The following POLD4 variants were observed in gnomAD, a reference collection of about 807,000 sequenced individuals.
POLD4 encodes DNA polymerase delta subunit 4.
Under a neutral mutation model 16.5 loss-of-function variants are expected in POLD4, and 9 were observed. The observed-to-expected ratio is 0.55, with a 90% confidence interval of 0.33 to 0.95. The LOEUF (loss-of-function observed/expected upper bound fraction) is 0.95. POLD4 is among the 40% of genes least tolerant of loss of function. POLD4 has a pLI of 0.03. For synonymous variants in POLD4, 62 were observed against 57.6 expected, an observed-to-expected ratio of 1.08 and a Z score of -0.35; for missense variants, 129 against 139.7, an observed-to-expected ratio of 0.92 and a Z score of 0.39.
Position 67,352,781 on chromosome 11 carries a change from C to CA in POLD4, c.208dup (p.Trp70LeufsTer93). On this transcript the variant is annotated frameshift_variant, in exon 3 of 4. Transcript: ENST00000312419. LOFTEE classifies it high-confidence loss of function. ...CAAGCCCATCTGCTTGGCCCGACAC[C>CA]AGCGCTGCAGCCGTGTGATCCCTGC... is the stretch of plus-strand genomic sequence containing the variant. 6.2e-7 allele frequency: 1 copy of CA among 1,609,860 alleles called. No homozygotes were observed. The highest frequency in any genetic ancestry group is 8.5e-7 in the Non-Finnish European group (1 of 1,177,708).
chr11:67,352,997 G>GC lies in POLD4; in HGVS notation c.177dup (p.Pro60AlafsTer103), dbSNP rs750239946. On this transcript the variant is annotated frameshift_variant, in exon 2 of 4. Transcript: ENST00000312419. LOFTEE classifies it high-confidence loss of function. ...CTGGGTGGGTTCTCACCGGTGCAGG[G>GC]CCCGTACTGCCAGGCCAGGTCAAAC... 3.8e-6 allele frequency: 6 copies of GC among 1,575,900 alleles called. No individual in the cohort carries two copies. The highest frequency in any genetic ancestry group is 5.2e-6 in the Non-Finnish European group (6 of 1,160,408).
At chr11:67,353,166 C>A in intron 1 of POLD4, 89 bp from the exon 2 acceptor site, 1 of 1,494,754 alleles carries the variant, frequency 6.7e-7, no homozygotes, top group Non-Finnish European at 9.1e-7. Flanking sequence ...TTTGCCTCTG[C>A]CACCCCGCAG....
chr11:67,352,232 G>A (rs912080730), intron 3 of POLD4: 31 of 522,522 alleles, frequency 5.9e-5, no homozygotes, highest in South Asian at 1.1e-4. Flanking sequence ...ATTATTGGCC[G>A]GGTGTGGTGG....
chr11:67,351,424 C>G lies in POLD4; in HGVS notation c.*571G>C, dbSNP rs143787057. 1.5e-3 allele frequency: 234 copies of G among 151,294 alleles called. 1 individual carries two copies. The highest frequency in any genetic ancestry group is 7.1e-3 in the Admixed American group (108 of 15,164). The allele number at this position is 151,294 out of a possible 1,614,324, so 9.4% of individuals were successfully genotyped here. A position where few individuals can be genotyped will look rare whatever the true frequency, so the allele number is the denominator to read the frequency against. Reference sequence around the variant, plus strand: ...ACTTGATCCGTCTCAAGATGACTGTCTCCTCCCTCTTCGGCCTAGGACTTT... The same window carrying G: ...ACTTGATCCGTCTCAAGATGACTGTGTCCTCCCTCTTCGGCCTAGGACTTT... On this transcript the variant is annotated 3_prime_UTR_variant, in exon 4 of 4. Coordinates refer to ENST00000312419, the MANE Select transcript of POLD4 (RefSeq NM_021173.5). This position sits in a 1 kb window ranked among gnomAD's most constrained non-coding sequence, Gnocchi z 4.8.
At chr11:67,352,960 G>A in intron 2 of POLD4, 28 bp downstream of exon 2, 2 of 1,519,218 alleles carry the variant, frequency 1.3e-6, no homozygotes, top group Non-Finnish European at 1.8e-6. Flanking sequence ...TGGGAGAGGC[G>A]CCTCCGTGGG....
chr11:67,352,053 CAGAG>C (rs747485648), intron 3 of POLD4, 34 bp from the exon 4 acceptor site: 162 of 1,263,490 alleles, frequency 1.3e-4, no homozygotes, highest in East Asian at 2.0e-4. Flanking sequence ...AGGGATACCC[CAGAG>C]AGAGAGAGAG....
At chr11:67,353,555 C>A (rs1444606871), upstream of POLD4, 1 of 635,870 alleles carries the variant, frequency 1.6e-6, no homozygotes, top group Non-Finnish European at 2.7e-6. Context: ...AGGAAGTCGC[C>A]GGGGTCCAGG....
At chr11:67,352,050 C>T (rs1861879566) in intron 3 of POLD4, 31 bp from the exon 4 acceptor site, 2 of 1,259,050 alleles carry the variant, frequency 1.6e-6, no homozygotes, top group Non-Finnish European at 2.3e-6. Flanking sequence ...GGGAGGGATA[C>T]CCCAGAGAGA....
At chr11:67,353,165 G>T in intron 1 of POLD4, 88 bp from the exon 2 acceptor site, 1 of 1,494,696 alleles carries the variant, frequency 6.7e-7, no homozygotes, top group Non-Finnish European at 9.1e-7. Flanking sequence ...CTTTGCCTCT[G>T]CCACCCCGCA....
chr11:67,352,581 G>A, intron 3 of POLD4, 110 bp downstream of exon 3: 1 of 745,168 alleles, frequency 1.3e-6, no homozygotes, highest in African/African-American at 1.8e-5. Flanking sequence ...TGCCTGTTCA[G>A]CAAGGCCTTC....
chr11:67,352,718 T>C lies in POLD4; in HGVS notation c.272A>G (p.His91Arg). 25 of 1,612,102 alleles carry C rather than the reference T, an allele frequency of 1.6e-5. No homozygotes were observed. The highest frequency in any genetic ancestry group is 2.1e-5 in the Non-Finnish European group (25 of 1,179,698). ...GCACTGGAAGCGGGGGTCTCCGGGG[T>C]GGGTCTTCAGCACCTGCCACACCTC... is the stretch of plus-strand genomic sequence containing the variant. ...PPEVWQVLKTHPGDPRFQCSL... is the reference protein window; with the variant it reads ...PPEVWQVLKTRPGDPRFQCSL... The change falls in exon 3 of 4, where the codon CAC (histidine) becomes CGC (arginine). Residue 91 changes from histidine (H) to arginine (R), a missense_variant. By Grantham distance (29) the His-to-Arg change is conservative. Coordinates refer to ENST00000312419, the MANE Select transcript of POLD4 (RefSeq NM_021173.5).
chr11:67,351,926 C>T lies in POLD4; in HGVS notation c.*69G>A. The stretch of plus-strand genomic sequence containing the variant: ...CTGAGCTGAGCAGGAGCAATGGGCT[C>T]TCGCTTCTGTCCTGAGGTTCTTGGG... On this transcript the variant is annotated 3_prime_UTR_variant, in exon 4 of 4. Transcript: ENST00000312419. The surrounding 1 kb of genome is among the most constrained non-coding windows in gnomAD (Gnocchi z 4.8). The T allele has an allele frequency of 6.6e-7, 1 of 1,516,094 alleles. No homozygotes were observed. Among genetic ancestry groups the T allele is most frequent in the African/African-American group, 1.4e-5 (1 of 73,186 alleles). 93.9% of individuals were successfully genotyped at this position (1,516,094 alleles called of 1,614,324 possible).
chr11:67,352,707 G>C lies in POLD4; in HGVS notation c.283C>G (p.Pro95Ala). 4 of 1,612,684 alleles carry C rather than the reference G, an allele frequency of 2.5e-6. No homozygotes were observed. The highest frequency in any genetic ancestry group is 3.4e-6 in the Non-Finnish European group (4 of 1,179,812). Residue 95 changes from proline to alanine, a missense_variant, in exon 3 of 4, where the codon CCC becomes GCC. Coordinates refer to ENST00000312419, the MANE Select transcript of POLD4 (RefSeq NM_021173.5). ...GTCTCTGACCTGCACTGGAAGCGGGGGTCTCCGGGGTGGGTCTTCAGCACC... is the reference window on the plus strand; with the variant it reads ...GTCTCTGACCTGCACTGGAAGCGGGCGTCTCCGGGGTGGGTCTTCAGCACC... ...WQVLKTHPGD[P>A]RFQCSLWHLY...
In POLD4 at chr11:67,352,017, A is replaced by C; in HGVS notation, c.302T>G (p.Leu101Arg). ...GCCTCATAGGGGATAGAGATGCCAG[A>C]GACTGTGGAAGATGGGGTGGGAGGG... is the stretch of plus-strand genomic sequence containing the variant. ...HPGDPRFQCS[L>R]WHLYPL The change falls in exon 4 of 4, where the codon CTC (leucine) becomes CGC (arginine). Residue 101 changes from leucine to arginine, a missense_variant and splice_region_variant. By Grantham distance (102) the Leu-to-Arg change is moderately radical. Transcript: ENST00000312419. 3.0e-6 allele frequency: 2 copies of C among 664,170 alleles called. No homozygotes were observed. Among genetic ancestry groups the C allele is most frequent in the Middle Eastern group, 3.6e-4 (1 of 2,740 alleles). The allele number at this position is 664,170 out of a possible 1,614,324, so 41.1% of individuals were successfully genotyped here.
chr11:67,352,278 G>T, intron 3 of POLD4: 1 of 432,230 alleles, frequency 2.3e-6, no homozygotes, highest in South Asian at 2.8e-5. Flanking sequence ...GGGAGGCTGA[G>T]GTGGGTGGGA....
In POLD4 at chr11:67,353,409, C is replaced by A; in HGVS notation, c.-10G>T. 6.2e-7 allele frequency: 1 copy of A among 1,608,650 alleles called. No individual in the cohort carries two copies. Among genetic ancestry groups the A allele is most frequent in the Non-Finnish European group, 8.5e-7 (1 of 1,179,296 alleles). ...GCCGCTTCCGGCCCATGGCGGCCAC[C>A]CAGGCAGGCAGAGAAGGAGGCAACT... On this transcript the variant is annotated 5_prime_UTR_variant, in exon 1 of 4. Coordinates refer to ENST00000312419, the MANE Select transcript of POLD4 (RefSeq NM_021173.5).
intron 3 of POLD4, 116 bp from the exon 4 acceptor site, chr11:67,352,135 A>G: frequency 1.2e-6 from 1 of 832,882 alleles, no homozygotes; most frequent in Non-Finnish European, 1.9e-6. Context: ...CCATGCCCAT[A>G]GTCCTTGGGA....
At position 67,351,837 on chromosome 11, in the gene POLD4, G is replaced by T. The variant is rs1861873759; in HGVS notation, c.*158C>A. The stretch of plus-strand genomic sequence containing the variant: ...GGGGACTCTGGGAGCCTGCTGGTTA[G>T]ATGGAGGAGTTGAGCCTCTGACACC... On this transcript the variant is annotated 3_prime_UTR_variant, in exon 4 of 4. Transcript: ENST00000312419. This position sits in a 1 kb window ranked among gnomAD's most constrained non-coding sequence, Gnocchi z 4.8. The T allele has an allele frequency of 1.4e-6, 1 of 701,468 alleles. No individual in the cohort carries two copies. Among genetic ancestry groups the T allele is most frequent in the Non-Finnish European group, 2.5e-6 (1 of 407,300 alleles). 43.5% of individuals were successfully genotyped at this position (701,468 alleles called of 1,614,324 possible).
intron 3 of POLD4, chr11:67,352,442 G>A (rs1861889350): frequency 9.4e-6 from 4 of 427,788 alleles, no homozygotes; most frequent in South Asian, 6.9e-5. Context: ...CCCGAGAGGC[G>A]GAGTTTGCAG....
Sources: allele counts gnomAD v4.1 joint callset, GRCh38; gene constraint gnomAD v4.1.1; non-coding constraint Gnocchi (gnomAD v3.1); transcripts MANE v1.5; gene names NCBI Gene and HGNC (gene_info 2026-07-23, HGNC 2026-07-21).